The following SPATS2 variants were observed in gnomAD, a reference collection of about 807,000 sequenced individuals.
SPATS2 encodes spermatogenesis associated serine rich 2.
In SPATS2, 38 loss-of-function variants were observed where a neutral mutation model predicts 63.7. The ratio of observed to expected loss-of-function variants is 0.60; its 90% CI spans 0.46 to 0.78. The LOEUF (loss-of-function observed/expected upper bound fraction) is 0.78, where lower values mean the gene tolerates loss of function less well. Ranked by LOEUF, SPATS2 falls within the 30% of genes least tolerant of loss-of-function variation. The pLI is 0.00. For missense variants in SPATS2, 588 were observed against 666.2 expected, an observed-to-expected ratio of 0.88 and a Z score of 1.29; for synonymous variants, 207 against 232.9, an observed-to-expected ratio of 0.89 and a Z score of 1.01.
At chr12:49,439,747 T>TC (rs1296458223) in intron 2 of SPATS2, among the ~76,000 whole-genome samples, 1 of 152,202 alleles carries the variant, frequency 6.6e-6, no homozygotes, top group African/African-American at 2.4e-5. Context: ...TCCCTTCTGT[T>TC]CAGGTATCCA....
chr12:49,469,558 A>AG (rs1565737887), intron 3 of SPATS2: 4 of 431,670 alleles, frequency 9.3e-6, no homozygotes, highest in East Asian at 1.4e-4. Context: ...AAAAAAAAAA[A>AG]AAAAAAGAAA....
chr12:49,459,293 C>T (rs1945775778), intron 2 of SPATS2, among the ~76,000 whole-genome samples: 1 of 152,050 alleles, frequency 6.6e-6, no homozygotes, highest in South Asian at 2.1e-4. Flanking sequence ...CCCGGTGTGC[C>T]TGCCCACCAG....
chr12:49,464,390 T>C (rs940370231), intron 3 of SPATS2, among the ~76,000 whole-genome samples: 25 of 148,106 alleles, frequency 1.7e-4, no homozygotes, highest in African/African-American at 5.5e-4. Flanking sequence ...GAGGACAAGG[T>C]GGGCAGATCA....
chr12:49,514,706 C>T (rs1946810160), intron 10 of SPATS2, 93 bp downstream of exon 10: 5 of 1,091,592 alleles, frequency 4.6e-6, no homozygotes, highest in East Asian at 2.6e-5. Flanking sequence ...ATATAAATAC[C>T]ATAATAAGAG....
chr12:49,445,500 T>C (rs2137575767), intron 2 of SPATS2, among the ~76,000 whole-genome samples: 1 of 151,978 alleles, frequency 6.6e-6, no homozygotes, highest in South Asian at 2.1e-4. Context: ...TATATATATA[T>C]ATATTTATTT....
intron 1 of SPATS2, among the ~76,000 whole-genome samples, chr12:49,368,457 C>T (rs1029415756): frequency 6.6e-6 from 1 of 152,126 alleles, no homozygotes; most frequent in African/African-American, 2.4e-5. Context: ...TTGGAGAGAA[C>T]CAAAAGCTTG....
intron 2 of SPATS2, among the ~76,000 whole-genome samples, chr12:49,372,012 A>G (rs1334227273): frequency 7.1e-6 from 1 of 141,802 alleles, no homozygotes. Flanking sequence ...TGGTAATTCT[A>G]TGTTTAGTTT....
At position 49,495,012 on chromosome 12, in the gene SPATS2, T is replaced by C. The variant is rs1411393747; in HGVS notation, c.526+10T>C. 3.3e-6 allele frequency: 5 copies of C among 1,531,246 alleles called. No homozygotes were observed. Among genetic ancestry groups the C allele is most frequent in the African/African-American group, 1.4e-5 (1 of 71,934 alleles). The allele number at this position is 1,531,246 out of a possible 1,614,324, so 94.9% of individuals were successfully genotyped here. A position where few individuals can be genotyped will look rare whatever the true frequency, so the allele number is the denominator to read the frequency against. ...ACGCTGGATAGAACAGGTGAGTTTATTAACAGATTTTGAAAAAGTTGCATT... is the reference window on the plus strand; with the variant it reads ...ACGCTGGATAGAACAGGTGAGTTTACTAACAGATTTTGAAAAAGTTGCATT... On this transcript the variant is annotated intron_variant, in intron 7 of 13. Coordinates refer to ENST00000552918, the MANE Select transcript of SPATS2 (RefSeq NM_023071.4).
chr12:49,367,327 C>T (rs903329572), upstream of SPATS2: 1 of 384,246 alleles, frequency 2.6e-6, no homozygotes. Context: ...GGGCGAGCCG[C>T]TGCCTGGGCG....
intron 2 of SPATS2, among the ~76,000 whole-genome samples, chr12:49,392,350 G>C (rs1944432577): frequency 6.6e-6 from 1 of 151,936 alleles, no homozygotes; most frequent in Admixed American, 6.6e-5. Flanking sequence ...AATGCTTTAA[G>C]TTATATTCCT....
chr12:49,458,404 G>A (rs1202644550), intron 2 of SPATS2, among the ~76,000 whole-genome samples: 1 of 152,000 alleles, frequency 6.6e-6, no homozygotes, highest in African/African-American at 2.4e-5. Context: ...GGAGGCAAAG[G>A]TTGCAGCGAG....
chr12:49,413,840 C>T (rs1463724478), intron 2 of SPATS2, among the ~76,000 whole-genome samples: 1 of 152,084 alleles, frequency 6.6e-6, no homozygotes, highest in East Asian at 1.9e-4. Flanking sequence ...ACTGGACAGG[C>T]AGAAGATAAC....
intron 2 of SPATS2, among the ~76,000 whole-genome samples, chr12:49,411,476 C>A (rs964721076): frequency 9.2e-5 from 14 of 151,752 alleles, no homozygotes; most frequent in Non-Finnish European, 2.1e-4. Context: ...TATTTTTGGT[C>A]CCCCCCAAAA....
intron 2 of SPATS2, among the ~76,000 whole-genome samples, chr12:49,393,285 A>G (rs1680273010): frequency 6.6e-6 from 1 of 152,148 alleles, no homozygotes; most frequent in South Asian, 2.1e-4. Context: ...AGTATTGTCA[A>G]CATTATCCAT....
At chr12:49,427,619 T>C (rs117822192) in intron 2 of SPATS2, among the ~76,000 whole-genome samples, 5,369 of 152,300 alleles carry the variant, frequency 0.035, 129 homozygotes, top group Non-Finnish European at 0.055. Context: ...CAGAAATAAA[T>C]AAGAAATGAA....
chr12:49,498,725 A>C (rs1380639158), intron 8 of SPATS2, among the ~76,000 whole-genome samples: 2 of 147,838 alleles, frequency 1.4e-5, no homozygotes, highest in Non-Finnish European at 3.0e-5. Context: ...GTCTTTTAAG[A>C]TATCTTCCAT....
chr12:49,524,627 T>C, intron 12 of SPATS2, 55 bp from the exon 13 acceptor site: 3 of 1,553,736 alleles, frequency 1.9e-6, no homozygotes, highest in Non-Finnish European at 2.7e-6. Context: ...GTAGAAACCT[T>C]ATCCATTGTG....
chr12:49,498,145 A>AAAAAAAAAAAAAAAAAAAATATATATAT, intron 8 of SPATS2, among the ~76,000 whole-genome samples: 1 of 98,960 alleles, frequency 1.0e-5, no homozygotes, highest in South Asian at 3.4e-4. Context: ...AAAAAAAAAA[A>AAAAAAAAAAAAAAAAAAAATATATATAT]ATATATATAT....
chr12:49,393,493 T>C (rs1314237888), intron 2 of SPATS2, among the ~76,000 whole-genome samples: 1 of 152,206 alleles, frequency 6.6e-6, no homozygotes, highest in African/African-American at 2.4e-5. Flanking sequence ...CTTTGAAATA[T>C]GGTTTGTACA....
Sources: gnomAD v4.1 joint callset for allele counts (sites outside exome capture counted in the v4.1 genomes callset) on GRCh38, gnomAD v4.1.1 for gene constraint, MANE v1.5 for transcripts, NCBI Gene and HGNC (gene_info 2026-07-23, HGNC 2026-07-21) for gene names.